Variants in EEA1 observed in about 807,000 individuals in gnomAD.
EEA1 encodes the protein early endosome antigen 1, also known as early endosome antigen 1, 162kD.
In EEA1, 111 loss-of-function variants were observed where a neutral mutation model predicts 209.2. That is an observed-to-expected ratio of 0.53 (90% CI 0.45 to 0.62). EEA1 has a LOEUF of 0.62. EEA1 is among the 20% of genes least tolerant of loss of function. The probability of loss-of-function intolerance (pLI) is 0.00; values close to 1 mark genes in which losing one functional copy is unlikely to be tolerated. For missense variants in EEA1, 1,343 were observed against 1,530.8 expected (o/e 0.88, Z 2.05); for synonymous variants, 536 against 540.6 (o/e 0.99, Z 0.12).
intron 1 of EEA1, among the ~76,000 whole-genome samples, chr12:92,898,432 G>T (rs112898135): frequency 6.6e-6 from 1 of 152,120 alleles, no homozygotes; most frequent in African/African-American, 2.4e-5. Context: ...GGGAGGCTGA[G>T]GTGGGTGGAT....
intron 2 of EEA1, among the ~76,000 whole-genome samples, chr12:92,869,605 A>C (rs531464422): frequency 2.7e-5 from 4 of 150,936 alleles, no homozygotes; most frequent in Non-Finnish European, 5.9e-5. Context: ...AAATACAAAA[A>C]ATTAGCTGGG....
intron 22 of EEA1, among the ~76,000 whole-genome samples, chr12:92,785,101 C>T (rs1874073641): frequency 6.7e-6 from 1 of 149,440 alleles, no homozygotes; most frequent in Non-Finnish European, 1.5e-5. Context: ...GAGTACTAGG[C>T]TAAGAAGATT....
intron 3 of EEA1, among the ~76,000 whole-genome samples, chr12:92,860,395 G>A (rs1878086603): frequency 6.6e-6 from 1 of 152,194 alleles, no homozygotes; most frequent in African/African-American, 2.4e-5. Flanking sequence ...CTACAGAGAA[G>A]TCAGCTTCCT....
Position 92,916,611 on chromosome 12 carries a change from G to C in EEA1, c.24+12432C>G, listed in dbSNP as rs181726396. The stretch of plus-strand genomic sequence containing the variant: ...GAGGTTGCAGTGAGCCATCATCAAA[G>C]ACCAAAAGTAGATAAAACCACAAAG... On this transcript the variant is annotated intron_variant, in intron 1 of 28. Transcript: ENST00000322349. Among the ~76,000 whole-genome samples the C allele has an allele frequency of 9.7e-3, 394 of 40,664 alleles. 141 individuals are homozygous for C. The highest frequency in any genetic ancestry group is 0.062 in the African/African-American group (384 of 6,166). 26.7% of individuals were successfully genotyped at this position (40,664 alleles called of 152,430 possible).
At chr12:92,807,240 C>T (rs1050459619) in intron 18 of EEA1, among the ~76,000 whole-genome samples, 2 of 147,036 alleles carry the variant, frequency 1.4e-5, no homozygotes, top group Non-Finnish European at 3.0e-5. Context: ...AGGCATGAGC[C>T]ACAAGGCCGA....
chr12:92,797,101 T>C (rs1196362990), intron 21 of EEA1, among the ~76,000 whole-genome samples: 1 of 152,226 alleles, frequency 6.6e-6, no homozygotes, highest in East Asian at 1.9e-4. Context: ...TTGTTTTGCT[T>C]TTTTGAGATG....
At chr12:92,788,183 C>T (rs996664468) in intron 21 of EEA1, 134 bp from the exon 22 acceptor site, 8 of 538,864 alleles carry the variant, frequency 1.5e-5, no homozygotes, top group Non-Finnish European at 2.3e-5. Flanking sequence ...ATTTCTACCT[C>T]AATAGGGTAA....
chr12:92,811,916 G>A (rs1875535426), intron 16 of EEA1, among the ~76,000 whole-genome samples: 1 of 151,878 alleles, frequency 6.6e-6, no homozygotes, highest in Non-Finnish European at 1.5e-5. Context: ...CCAAAAGTAG[G>A]ACACATACCA....
At chr12:92,899,096 A>G (rs1186985218) in intron 1 of EEA1, among the ~76,000 whole-genome samples, 1 of 150,540 alleles carries the variant, frequency 6.6e-6, no homozygotes, top group Non-Finnish European at 1.5e-5. Flanking sequence ...AGTACTAAAG[A>G]TGAAGAATGC....
intron 22 of EEA1, among the ~76,000 whole-genome samples, chr12:92,783,410 T>C (rs990247899): frequency 2.0e-5 from 3 of 152,150 alleles, no homozygotes; most frequent in Non-Finnish European, 4.4e-5. Context: ...AGAGAGTTTT[T>C]CCTGAAACAA....
chr12:92,818,574 T>A (rs1348577995), intron 14 of EEA1, among the ~76,000 whole-genome samples: 1 of 152,148 alleles, frequency 6.6e-6, no homozygotes, highest in Non-Finnish European at 1.5e-5. Context: ...AAAACTAACC[T>A]AAAGAATTCT....
intron 5 of EEA1, among the ~76,000 whole-genome samples, chr12:92,854,717 T>G (rs977437802): frequency 1.3e-5 from 2 of 152,180 alleles, no homozygotes; most frequent in Non-Finnish European, 2.9e-5. Flanking sequence ...CTACATCTCC[T>G]CTAGCAGCAG....
chr12:92,876,097 G>A (rs1438475698), intron 2 of EEA1, among the ~76,000 whole-genome samples: 1 of 151,634 alleles, frequency 6.6e-6, no homozygotes, highest in Non-Finnish European at 1.5e-5. Flanking sequence ...TTTGAGACAG[G>A]GTCTCACTCT....
chr12:92,897,678 T>G (rs183855746), intron 1 of EEA1, among the ~76,000 whole-genome samples: 1 of 152,128 alleles, frequency 6.6e-6, no homozygotes, highest in African/African-American at 2.4e-5. Flanking sequence ...TCTGGACAAC[T>G]TGCAGTCACG....
intron 2 of EEA1, among the ~76,000 whole-genome samples, chr12:92,874,911 G>A (rs1274137757): frequency 6.6e-6 from 1 of 152,002 alleles, no homozygotes; most frequent in African/African-American, 2.4e-5. Context: ...TACACTGATC[G>A]GATTATTATA....
chr12:92,840,616 T>C (rs1299953010), intron 10 of EEA1, among the ~76,000 whole-genome samples: 1 of 152,202 alleles, frequency 6.6e-6, no homozygotes, highest in Non-Finnish European at 1.5e-5. Context: ...CTGGCCAATG[T>C]TGCTCATTTA....
intron 3 of EEA1, among the ~76,000 whole-genome samples, chr12:92,861,951 T>G (rs1362222450): frequency 6.6e-6 from 1 of 152,192 alleles, no homozygotes; most frequent in Non-Finnish European, 1.5e-5. Context: ...TATGTACATT[T>G]AAAGATCTAG....
chr12:92,925,181 C>CAAAAA, intron 1 of EEA1, among the ~76,000 whole-genome samples: 1 of 119,854 alleles, frequency 8.3e-6, no homozygotes, highest in Non-Finnish European at 1.8e-5. Flanking sequence ...AAAGATGTCT[C>CAAAAA]AAAAAAAAAA....
At position 92,877,438 on chromosome 12, in the gene EEA1, G is replaced by A. The variant is rs571870816; in HGVS notation, c.118-12451C>T. Among the ~76,000 whole-genome samples the A allele has an allele frequency of 2.0e-5, 3 of 152,282 alleles. No homozygotes were observed. The East Asian group carries it at 5.8e-4, about 29-fold the overall frequency. ...GGGTTAATGATTGATGGTAGTCTGTGTTAAGGCAGTAACAGAATGGATTAA... is the reference window on the plus strand; with the variant it reads ...GGGTTAATGATTGATGGTAGTCTGTATTAAGGCAGTAACAGAATGGATTAA... On this transcript the variant is annotated intron_variant, in intron 2 of 28. Transcript: ENST00000322349.
Sources: gnomAD v4.1 joint callset for allele counts (sites outside exome capture counted in the v4.1 genomes callset) on GRCh38, gnomAD v4.1.1 for gene constraint, MANE v1.5 for transcripts, NCBI Gene and HGNC (gene_info 2026-07-23, HGNC 2026-07-21) for gene names.